Variants in GRXCR1 observed in about 807,000 individuals in gnomAD.
GRXCR1 encodes glutaredoxin domain-containing cysteine-rich protein 1.
GRXCR1 carries 27 observed loss-of-function variants against 27.3 expected under a neutral mutation model. The observed-to-expected ratio is 0.99, with a 90% confidence interval of 0.73 to 1.37. GRXCR1 has a LOEUF of 1.37. GRXCR1 is among the 40% of genes most tolerant of loss of function. The pLI is 0.00. For synonymous variants in GRXCR1, 122 were observed against 131.1 expected (o/e 0.93, Z 0.47); for missense variants, 379 against 354.4 (o/e 1.07, Z -0.56).
intron 1 of GRXCR1, among the ~76,000 whole-genome samples, chr4:42,948,866 A>G (rs1255466507): frequency 6.6e-6 from 1 of 152,176 alleles, no homozygotes; most frequent in Non-Finnish European, 1.5e-5. Flanking sequence ...AGGCAAGACA[A>G]GGAATTCTCC....
chr4:42,984,748 T>TC (rs1711646963), intron 2 of GRXCR1, among the ~76,000 whole-genome samples: 1 of 152,198 alleles, frequency 6.6e-6, no homozygotes, highest in Non-Finnish European at 1.5e-5. Context: ...TCAGAACTGC[T>TC]GAGGCCTGCC....
intron 2 of GRXCR1, among the ~76,000 whole-genome samples, chr4:43,016,633 T>TTGTG (rs34018617): frequency 2.0e-5 from 3 of 149,838 alleles, no homozygotes; most frequent in South Asian, 2.1e-4. Context: ...AGTTGTGTGT[T>TTGTG]TGTGTGTGTG....
intron 1 of GRXCR1, among the ~76,000 whole-genome samples, chr4:42,940,065 A>G (rs888767293): frequency 6.6e-6 from 1 of 151,934 alleles, no homozygotes; most frequent in Non-Finnish European, 1.5e-5. Context: ...CACACTGAAC[A>G]GTGATTATTC....
At chr4:42,925,109 A>T (rs186697017) in intron 1 of GRXCR1, among the ~76,000 whole-genome samples, 2 of 152,040 alleles carry the variant, frequency 1.3e-5, no homozygotes, top group African/African-American at 4.8e-5. Flanking sequence ...GCATGAGAAG[A>T]TGTCTGAGTA....
At chr4:42,953,417 A>G (rs1391873798) in intron 1 of GRXCR1, among the ~76,000 whole-genome samples, 1 of 152,166 alleles carries the variant, frequency 6.6e-6, no homozygotes, top group Non-Finnish European at 1.5e-5. Flanking sequence ...GTACAGGACA[A>G]GGCTATGAGT....
At chr4:42,898,963 A>G (rs747508869) in intron 1 of GRXCR1, among the ~76,000 whole-genome samples, 16 of 152,116 alleles carry the variant, frequency 1.1e-4, no homozygotes, top group South Asian at 2.1e-4. Context: ...AGGAAAGAAA[A>G]AGCAGCAAAG....
chr4:42,925,099 G>A (rs948080293), intron 1 of GRXCR1, among the ~76,000 whole-genome samples: 2 of 151,856 alleles, frequency 1.3e-5, no homozygotes, highest in African/African-American at 4.8e-5. Context: ...GTTTCTGGAA[G>A]CATGAGAAGA....
At chr4:43,012,654 A>G (rs1358274832) in intron 2 of GRXCR1, among the ~76,000 whole-genome samples, 1 of 152,220 alleles carries the variant, frequency 6.6e-6, no homozygotes, top group African/African-American at 2.4e-5. Flanking sequence ...AATCCTTACA[A>G]CAACCCTATA....
intron 2 of GRXCR1, among the ~76,000 whole-genome samples, chr4:42,979,659 A>G (rs1748603812): frequency 6.6e-6 from 1 of 151,984 alleles, no homozygotes; most frequent in African/African-American, 2.4e-5. Flanking sequence ...TCAGCATAAT[A>G]CTTGCCTAAA....
At chr4:42,894,523 C>A (rs1411973342) in intron 1 of GRXCR1, among the ~76,000 whole-genome samples, 7 of 151,934 alleles carry the variant, frequency 4.6e-5, no homozygotes, top group Admixed American at 4.6e-4. Flanking sequence ...ATAAAATGAT[C>A]TCTTGTGATG....
intron 1 of GRXCR1, among the ~76,000 whole-genome samples, chr4:42,893,869 C>A (rs1746291084): frequency 6.6e-6 from 1 of 152,138 alleles, no homozygotes; most frequent in African/African-American, 2.4e-5. Context: ...ATTTCTAACA[C>A]ATAAGTGGTC....
At chr4:42,971,661 G>A (rs745936828) in intron 2 of GRXCR1, among the ~76,000 whole-genome samples, 5 of 151,980 alleles carry the variant, frequency 3.3e-5, no homozygotes, top group Admixed American at 2.6e-4. Flanking sequence ...ATACACTCCC[G>A]TGATTCAATC....
chr4:42,989,460 C>T (rs1055123238), intron 2 of GRXCR1, among the ~76,000 whole-genome samples: 1 of 152,134 alleles, frequency 6.6e-6, no homozygotes, highest in Non-Finnish European at 1.5e-5. Context: ...AACATATGAA[C>T]TTTAATTTAT....
At chr4:42,958,067 G>C (rs1289070602) in intron 1 of GRXCR1, among the ~76,000 whole-genome samples, 1 of 151,938 alleles carries the variant, frequency 6.6e-6, no homozygotes, top group African/African-American at 2.4e-5. Context: ...ATCTTGAGAA[G>C]GCTTTCCAAG....
chr4:42,909,336 A>C (rs1057036273), intron 1 of GRXCR1, among the ~76,000 whole-genome samples: 2 of 152,180 alleles, frequency 1.3e-5, no homozygotes, highest in African/African-American at 4.8e-5. Context: ...AAATTAGTGA[A>C]GACTACAAAT....
intron 2 of GRXCR1, among the ~76,000 whole-genome samples, chr4:42,994,963 T>C (rs1712096719): frequency 6.6e-6 from 1 of 152,200 alleles, no homozygotes; most frequent in Non-Finnish European, 1.5e-5. Context: ...CAATTTTCTG[T>C]ATTGCCTTCC....
chr4:42,953,540 C>T (rs34583225), intron 1 of GRXCR1, among the ~76,000 whole-genome samples: 7,266 of 152,190 alleles, frequency 0.048, 219 homozygotes, highest in African/African-American at 0.081. Context: ...TTCTAGTTCC[C>T]CAGCTGGTGG....
In GRXCR1 at chr4:43,030,162, C is replaced by T. The variant is rs569006902; in HGVS notation, c.694-199C>T. Reference sequence around the variant, plus strand: ...AGCCTGTGGTATAGATGGCCATTGGCGGGGGAATGAAGGAGAATTTCAACT... The same window carrying T: ...AGCCTGTGGTATAGATGGCCATTGGTGGGGGAATGAAGGAGAATTTCAACT... On this transcript the variant is annotated intron_variant, in intron 3 of 3. Coordinates refer to ENST00000399770, the MANE Select transcript of GRXCR1 (RefSeq NM_001080476.3). 9.9e-5 allele frequency among the ~76,000 whole-genome samples: 15 copies of T among 152,208 alleles called. No homozygotes were observed. In the East Asian group the frequency reaches 1.2e-3, roughly 12 times the overall value.
In GRXCR1 at chr4:42,903,554, C is replaced by T. The variant is rs1443537559; in HGVS notation, c.384+9904C>T. ...GTCTCTATCTCCAGACCTTGTGATC[C>T]GCCCGCCTTGGCCTCCCAGAGTGCT... On this transcript the variant is annotated intron_variant, in intron 1 of 3. Transcript: ENST00000399770. Among the ~76,000 whole-genome samples the T allele has an allele frequency of 2.0e-5, 3 of 147,282 alleles. 1 individual carries two copies. Among genetic ancestry groups the T allele is most frequent in the East Asian group, 4.7e-4 (2 of 4,282 alleles).
Sources: gnomAD v4.1 joint callset for allele counts (sites outside exome capture counted in the v4.1 genomes callset) on GRCh38, gnomAD v4.1.1 for gene constraint, MANE v1.5 for transcripts, NCBI Gene and HGNC (gene_info 2026-07-23, HGNC 2026-07-21) for gene names.